NPAS3: variants seen among roughly 807,000 people sequenced by gnomAD.
The protein encoded by NPAS3 is neuronal PAS domain-containing protein 3.
Under a neutral mutation model 73.1 loss-of-function variants are expected in NPAS3, and 14 were observed. The observed-to-expected ratio is 0.19, with a 90% CI of 0.13 to 0.30. NPAS3 has a LOEUF of 0.30. NPAS3 is among the 10% of genes least tolerant of loss of function. The probability of loss-of-function intolerance (pLI) is 1.00; values close to 1 mark genes in which losing one functional copy is unlikely to be tolerated. For missense variants in NPAS3, 1,096 were observed against 1,250.0 expected (o/e 0.88, Z 1.86); for synonymous variants, 620 against 541.5 (o/e 1.14, Z -2.01).
intron 4 of NPAS3, among the ~76,000 whole-genome samples, chr14:33,381,513 A>G (rs2046552399): frequency 6.6e-6 from 1 of 152,186 alleles, no homozygotes; most frequent in Non-Finnish European, 1.5e-5. Flanking sequence ...ACCTGGCTTT[A>G]CCTGGAGACT....
chr14:33,484,879 A>G (rs1022888826), intron 4 of NPAS3, among the ~76,000 whole-genome samples: 1 of 152,062 alleles, frequency 6.6e-6, no homozygotes, highest in African/African-American at 2.4e-5. Flanking sequence ...GCTTCACCTG[A>G]CACCCAGACC....
intron 6 of NPAS3, among the ~76,000 whole-genome samples, chr14:33,713,761 ATGGGGCCTT>A (rs1293920362): frequency 6.6e-6 from 1 of 152,158 alleles, no homozygotes; most frequent in Non-Finnish European, 1.5e-5. Context: ...GAAAACTCCC[ATGGGGCCTT>A]TGTCATCATA....
intron 6 of NPAS3, among the ~76,000 whole-genome samples, chr14:33,723,358 T>A (rs568282631): frequency 6.6e-6 from 1 of 152,258 alleles, no homozygotes; most frequent in Admixed American, 6.5e-5. Context: ...AATATAGGAT[T>A]CCCCATTCAA....
chr14:33,353,021 A>C (rs1308858279), intron 3 of NPAS3, among the ~76,000 whole-genome samples: 1 of 152,178 alleles, frequency 6.6e-6, no homozygotes, highest in Non-Finnish European at 1.5e-5. Flanking sequence ...AGTTGAGGTC[A>C]GCATTTAGTA....
intron 3 of NPAS3, among the ~76,000 whole-genome samples, chr14:33,342,945 T>C (rs935725919): frequency 1.3e-5 from 2 of 152,310 alleles, no homozygotes; most frequent in African/African-American, 4.8e-5. Context: ...TATCTGAGTG[T>C]CACGAGGCAT....
chr14:33,280,048 A>G (rs1176507252), intron 3 of NPAS3, among the ~76,000 whole-genome samples: 1 of 152,184 alleles, frequency 6.6e-6, no homozygotes, highest in African/African-American at 2.4e-5. Flanking sequence ...GCAAGCGTGT[A>G]TGCTGAATGG....
chr14:32,940,746 T>G (rs894465124), intron 1 of NPAS3, among the ~76,000 whole-genome samples: 2 of 152,238 alleles, frequency 1.3e-5, no homozygotes, highest in African/African-American at 2.4e-5. Context: ...CAGAAGACGA[T>G]AAGGGGATAT....
chr14:33,462,502 T>G (rs1034911130), intron 4 of NPAS3, among the ~76,000 whole-genome samples: 14 of 152,160 alleles, frequency 9.2e-5, no homozygotes, highest in Admixed American at 3.9e-4. Flanking sequence ...CTTCATGACA[T>G]AGACGGCGAC....
At chr14:33,778,641 A>G in intron 9 of NPAS3, 69 bp downstream of exon 9, 2 of 1,040,900 alleles carry the variant, frequency 1.9e-6, no homozygotes. Context: ...GTTTGGTTTC[A>G]GTGCTGATTT....
chr14:33,195,803 A>C (rs1329444798), intron 2 of NPAS3, among the ~76,000 whole-genome samples: 2 of 152,226 alleles, frequency 1.3e-5, no homozygotes, highest in African/African-American at 2.4e-5. Flanking sequence ...TTTAATAACC[A>C]TGCAAACTCA....
chr14:33,745,499 A>G (rs909922191), intron 7 of NPAS3, among the ~76,000 whole-genome samples: 17 of 152,176 alleles, frequency 1.1e-4, no homozygotes, highest in African/African-American at 3.9e-4. Context: ...CCGTCTTCAT[A>G]AGGCTATTGT....
intron 4 of NPAS3, among the ~76,000 whole-genome samples, chr14:33,524,616 G>T (rs368279876): frequency 7.2e-5 from 11 of 152,236 alleles, no homozygotes; most frequent in African/African-American, 2.4e-4. Flanking sequence ...GTATTAGTCT[G>T]CCAGGGCTGC....
intron 1 of NPAS3, among the ~76,000 whole-genome samples, chr14:33,029,958 C>T (rs2039933387): frequency 6.6e-6 from 1 of 152,216 alleles, no homozygotes; most frequent in Admixed American, 6.5e-5. Context: ...TTGAATCAGA[C>T]TTCCCCAATT....
At chr14:33,580,536 C>T (rs2056622267) in intron 5 of NPAS3, among the ~76,000 whole-genome samples, 1 of 152,178 alleles carries the variant, frequency 6.6e-6, no homozygotes, top group Non-Finnish European at 1.5e-5. Context: ...TGTACCCAGC[C>T]TGCAGAGGCA....
In NPAS3 at chr14:33,133,567, A is replaced by G. The variant is rs145353914; in HGVS notation, c.140+77573A>G. On this transcript the variant is annotated intron_variant, in intron 2 of 11. Coordinates refer to ENST00000356141, the Ensembl canonical transcript of NPAS3. The stretch of plus-strand genomic sequence containing the variant: ...TAAGTGCCAGTCAATGACTAATAAT[A>G]AAATAATTAACAGTCACTGGTAAAA... 5.4e-3 allele frequency among the ~76,000 whole-genome samples: 826 copies of G among 152,326 alleles called. 2 individuals carry two copies. The highest frequency in any genetic ancestry group is 7.8e-3 in the Non-Finnish European group (533 of 68,024).
intron 2 of NPAS3, among the ~76,000 whole-genome samples, chr14:33,182,540 A>G (rs1278566520): frequency 6.6e-6 from 1 of 152,230 alleles, no homozygotes; most frequent in East Asian, 1.9e-4. Flanking sequence ...ATTACTTGAT[A>G]ATAATTACCA....
chr14:33,141,870 C>G (rs2044059362), intron 2 of NPAS3, among the ~76,000 whole-genome samples: 1 of 152,108 alleles, frequency 6.6e-6, no homozygotes, highest in Non-Finnish European at 1.5e-5. Context: ...AGCAAGTATG[C>G]CATCGCATTT....
In NPAS3 at chr14:33,412,992, G is replaced by A. The variant is rs371144286; in HGVS notation, c.468+45724G>A. On this transcript the variant is annotated intron_variant, in intron 4 of 11. Transcript: ENST00000356141. ...ATTGTTTTAGTTACAAAATTGAGAA[G>A]AAATTACTTTTTTAAAAATATAAGG... 1.6e-3 allele frequency among the ~76,000 whole-genome samples: 244 copies of A among 152,240 alleles called. 1 individual carries two copies. The South Asian group carries it at 0.027, about 17-fold the overall frequency.
chr14:33,702,193 G>A (rs992772092), intron 6 of NPAS3, among the ~76,000 whole-genome samples: 3 of 152,118 alleles, frequency 2.0e-5, no homozygotes, highest in East Asian at 1.9e-4. Flanking sequence ...AATGGTATTG[G>A]TCATCCAGTT....
Sources: allele counts gnomAD v4.1 joint callset (sites outside exome capture counted in the v4.1 genomes callset), GRCh38; gene constraint gnomAD v4.1.1; transcripts MANE v1.5; gene names NCBI Gene and HGNC (gene_info 2026-07-23, HGNC 2026-07-21).